The following LRRC49 variants were observed in gnomAD, a reference collection of about 807,000 sequenced individuals.
The protein encoded by LRRC49 is leucine-rich repeat-containing protein 49.
A neutral mutation model predicts 83.3 loss-of-function variants in LRRC49; 50 were observed. The ratio of observed to expected loss-of-function variants is 0.60; its 90% CI spans 0.48 to 0.76. The LOEUF (loss-of-function observed/expected upper bound fraction) is 0.76. LRRC49 is among the 30% of genes least tolerant of loss of function. LRRC49 has a pLI of 0.00. For synonymous variants in LRRC49, 286 were observed against 283.3 expected (o/e 1.01, Z -0.10); for missense variants, 704 against 809.1 (o/e 0.87, Z 1.58).
intron 7 of LRRC49, among the ~76,000 whole-genome samples, chr15:70,922,072 TG>T (rs1276762921): frequency 6.6e-6 from 1 of 152,172 alleles, no homozygotes; most frequent in Non-Finnish European, 1.5e-5. Context: ...TGTACATTGT[TG>T]GTGGGAATGT....
At chr15:70,974,690 A>T (rs559736407) in intron 9 of LRRC49, among the ~76,000 whole-genome samples, 2 of 152,136 alleles carry the variant, frequency 1.3e-5, no homozygotes, top group African/African-American at 2.4e-5. Flanking sequence ...CTCTCAAGCT[A>T]ATAATGGCTT....
At chr15:71,009,094 CTG>C (rs774005006) in intron 12 of LRRC49, among the ~76,000 whole-genome samples, 1 of 151,756 alleles carries the variant, frequency 6.6e-6, no homozygotes, top group Non-Finnish European at 1.5e-5. Flanking sequence ...TTTGTAGAAA[CTG>C]TGATTTCTGT....
chr15:71,045,595 A>C (rs933394865), intron 15 of LRRC49, among the ~76,000 whole-genome samples: 3 of 152,202 alleles, frequency 2.0e-5, no homozygotes, highest in African/African-American at 7.2e-5. Context: ...CTGAGTTTTG[A>C]CAATTCATAC....
At chr15:70,893,379 G>A in intron 1 of LRRC49, 1 of 590,122 alleles carries the variant, frequency 1.7e-6, no homozygotes, top group South Asian at 2.1e-5. Context: ...CGACATTTTG[G>A]AAAATAAATC....
At chr15:70,863,103 C>T (rs1290712880) in intron 1 of LRRC49, among the ~76,000 whole-genome samples, 1 of 152,188 alleles carries the variant, frequency 6.6e-6, no homozygotes, top group Non-Finnish European at 1.5e-5. Flanking sequence ...TAAAGTGGTC[C>T]TTTGTGCCAA....
At chr15:70,981,350 G>C (rs563554680) in intron 10 of LRRC49, among the ~76,000 whole-genome samples, 5 of 146,352 alleles carry the variant, frequency 3.4e-5, no homozygotes, top group Admixed American at 6.8e-5. Flanking sequence ...GTTGGAGGGT[G>C]GGGGGGCTAG....
At position 71,049,273 on chromosome 15, in the gene LRRC49, C is replaced by T; in HGVS notation, c.1858-136C>T. ...TGTCAGCAGTGACTAGGAAAGAATT[C>T]CTGCTCTGAGGAGTAGATGGGGGAG... On this transcript the variant is annotated intron_variant, in intron 15 of 15. Coordinates refer to ENST00000260382, the MANE Select transcript of LRRC49 (RefSeq NM_017691.5). 4 of 623,398 alleles carry T rather than the reference C, an allele frequency of 6.4e-6. No homozygotes were observed. In the South Asian group the frequency reaches 8.2e-5, roughly 13 times the overall value. The allele number at this position is 623,398 out of a possible 1,614,324, so 38.6% of individuals were successfully genotyped here.
chr15:71,046,430 G>T (rs2039857096), intron 15 of LRRC49, among the ~76,000 whole-genome samples: 2 of 152,094 alleles, frequency 1.3e-5, no homozygotes, highest in South Asian at 4.1e-4. Flanking sequence ...CTGTGGTTTT[G>T]ATTTGCATTT....
At chr15:70,920,592 C>T (rs1333774138) in intron 7 of LRRC49, among the ~76,000 whole-genome samples, 2 of 152,144 alleles carry the variant, frequency 1.3e-5, no homozygotes, top group African/African-American at 4.8e-5. Context: ...TTGGCCCTAG[C>T]ATATTCCTGC....
rs139665040 is a variant in LRRC49, at chr15:70,984,177, A to G, written c.1089A>G (p.Glu363=). ...GAGTAGCCAATATTGCTACAAATGAAGATAGAAAAGATTCTGACTCTCCTC... is the reference window on the plus strand; with the variant it reads ...GAGTAGCCAATATTGCTACAAATGAGGATAGAAAAGATTCTGACTCTCCTC... The part of the protein sequence containing the change: ...QQRVANIATN[E]DRKDSDSPQD... Residue 363 remains glutamate, a synonymous_variant, in exon 11 of 16, where the codon GAA becomes GAG. Transcript: ENST00000260382. 207 of 1,613,320 alleles carry G rather than the reference A, an allele frequency of 1.3e-4. No individual in the cohort carries two copies. In the African/African-American group the frequency reaches 2.5e-3, roughly 20 times the overall value.
chr15:70,991,893 A>T (rs992169323), intron 11 of LRRC49, among the ~76,000 whole-genome samples: 7 of 152,230 alleles, frequency 4.6e-5, no homozygotes, highest in African/African-American at 1.7e-4. Flanking sequence ...ACATGAGAAT[A>T]ATGTTTTGGA....
At chr15:70,857,734 A>G (rs2032687316) in intron 1 of LRRC49, among the ~76,000 whole-genome samples, 1 of 152,228 alleles carries the variant, frequency 6.6e-6, no homozygotes, top group South Asian at 2.1e-4. Context: ...CCATATAGGG[A>G]GGCACAGCCA....
At chr15:70,898,959 T>C (rs530171716) in intron 3 of LRRC49, among the ~76,000 whole-genome samples, 1 of 152,334 alleles carries the variant, frequency 6.6e-6, no homozygotes, top group African/African-American at 2.4e-5. Flanking sequence ...GGTTCCCAGT[T>C]ATTTAGAAGG....
intron 11 of LRRC49, among the ~76,000 whole-genome samples, chr15:71,007,693 G>T (rs1339828720): frequency 7.9e-6 from 1 of 125,812 alleles, no homozygotes; most frequent in African/African-American, 3.0e-5. Context: ...CAAATTCAGT[G>T]CAGTATGAGA....
At chr15:70,898,949 G>C (rs1022093409) in intron 3 of LRRC49, among the ~76,000 whole-genome samples, 1 of 151,790 alleles carries the variant, frequency 6.6e-6, no homozygotes, top group African/African-American at 2.4e-5. Flanking sequence ...GGATCTCTCT[G>C]GTTCCCAGTT....
At chr15:71,045,552 T>C (rs951240327) in intron 15 of LRRC49, among the ~76,000 whole-genome samples, 1 of 152,230 alleles carries the variant, frequency 6.6e-6, no homozygotes, top group African/African-American at 2.4e-5. Context: ...GTAAAACTTA[T>C]ATACTGAAAT....
intron 7 of LRRC49, among the ~76,000 whole-genome samples, chr15:70,926,852 C>A (rs1381868198): frequency 4.6e-5 from 7 of 152,048 alleles, no homozygotes; most frequent in Admixed American, 1.3e-4. Flanking sequence ...GGGCTAATAT[C>A]CAGAATCTAC....
At chr15:71,047,749 T>C (rs1431503065) in intron 15 of LRRC49, among the ~76,000 whole-genome samples, 1 of 152,132 alleles carries the variant, frequency 6.6e-6, no homozygotes, top group East Asian at 1.9e-4. Flanking sequence ...CTATCTGTGA[T>C]TTTTAGGATT....
upstream of LRRC49, chr15:70,892,753 G>T: frequency 6.4e-7 from 1 of 1,557,348 alleles, no homozygotes; most frequent in East Asian, 2.3e-5. Context: ...CGATTCGGGA[G>T]AGGTCCAGAC....
Sources: gnomAD v4.1 joint callset for allele counts (sites outside exome capture counted in the v4.1 genomes callset) on GRCh38, gnomAD v4.1.1 for gene constraint, MANE v1.5 for transcripts, NCBI Gene and HGNC (gene_info 2026-07-23, HGNC 2026-07-21) for gene names.